The following SGCZ variants were observed in gnomAD, a reference collection of about 807,000 sequenced individuals.
The protein encoded by SGCZ is zeta-sarcoglycan.
A neutral mutation model predicts 41.3 loss-of-function variants in SGCZ; 40 were observed. The ratio of observed to expected loss-of-function variants is 0.97; its 90% CI spans 0.75 to 1.26. The LOEUF (loss-of-function observed/expected upper bound fraction) is 1.26. Ranked by LOEUF, SGCZ falls within the 50% of genes most tolerant of loss-of-function variation. The pLI is 0.00. For missense variants in SGCZ, 552 were observed against 369.8 expected (o/e 1.49, Z -4.04); for synonymous variants, 206 against 137.5 (o/e 1.50, Z -3.49).
At position 14,110,123 on chromosome 8, in the gene SGCZ, G is replaced by C. The variant is rs551438946; in HGVS notation, c.548-1888C>G. Among the ~76,000 whole-genome samples the C allele has an allele frequency of 4.6e-5, 7 of 152,188 alleles. 1 individual carries two copies. In the South Asian group the frequency reaches 1.0e-3, roughly 23 times the overall value. On this transcript the variant is annotated intron_variant, in intron 5 of 7. Coordinates refer to ENST00000382080, the MANE Select transcript of SGCZ (RefSeq NM_139167.4). Reference sequence around the variant, plus strand: ...CATTCCTCAAGGTGGGTCTTTAAAAGTAAAACAGTAGTTTGAGGTAACACT... The same window carrying C: ...CATTCCTCAAGGTGGGTCTTTAAAACTAAAACAGTAGTTTGAGGTAACACT...
At chr8:14,422,548 A>G (rs1432083442) in intron 2 of SGCZ, among the ~76,000 whole-genome samples, 2 of 152,202 alleles carry the variant, frequency 1.3e-5, no homozygotes, top group Admixed American at 6.5e-5. Context: ...TGGAAACTGT[A>G]AAGAAAACTC....
At chr8:14,163,206 G>C (rs75251009) in intron 5 of SGCZ, among the ~76,000 whole-genome samples, 19 of 152,078 alleles carry the variant, frequency 1.2e-4, no homozygotes, top group Non-Finnish European at 2.2e-4. Flanking sequence ...ACATGTGAAG[G>C]TTTGTTACAG....
intron 5 of SGCZ, among the ~76,000 whole-genome samples, chr8:14,149,245 C>T (rs1462062078): frequency 6.6e-6 from 1 of 152,044 alleles, no homozygotes; most frequent in East Asian, 1.9e-4. Context: ...GTCAAATTAT[C>T]CTTGTTTGCA....
At chr8:15,176,279 T>A (rs1321208970) in intron 1 of SGCZ, among the ~76,000 whole-genome samples, 4 of 152,184 alleles carry the variant, frequency 2.6e-5, no homozygotes, top group African/African-American at 9.6e-5. Context: ...AGTCATGGGT[T>A]ATCTGTTCCT....
chr8:14,519,061 T>A (rs1423983435), intron 2 of SGCZ, among the ~76,000 whole-genome samples: 2 of 140,450 alleles, frequency 1.4e-5, no homozygotes, highest in Middle Eastern at 3.3e-3. Flanking sequence ...ACAGTCAGAC[T>A]CTGTCTAAAA....
At chr8:14,162,072 C>G (rs1804064344) in intron 5 of SGCZ, among the ~76,000 whole-genome samples, 1 of 152,148 alleles carries the variant, frequency 6.6e-6, no homozygotes, top group Non-Finnish European at 1.5e-5. Flanking sequence ...GCTAAGGAAG[C>G]ACTTAGTCCA....
Position 15,179,392 on chromosome 8 carries a change from A to G in SGCZ, c.39+58193T>C, listed in dbSNP as rs148854461. Among the ~76,000 whole-genome samples the G allele has an allele frequency of 7.8e-3, 1,191 of 152,312 alleles. 20 individuals carry two copies. Among genetic ancestry groups the G allele is most frequent in the African/African-American group, 0.027 (1,112 of 41,582 alleles). On this transcript the variant is annotated intron_variant, in intron 1 of 7. Coordinates refer to ENST00000382080, the MANE Select transcript of SGCZ (RefSeq NM_139167.4). Reference sequence around the variant, plus strand: ...TACAGATTTTGTATTTTCTGGAATTATTTCACAGAACTTTACAGTTTTGAC... The same window carrying G: ...TACAGATTTTGTATTTTCTGGAATTGTTTCACAGAACTTTACAGTTTTGAC...
At chr8:15,080,495 C>A (rs528267042) in intron 1 of SGCZ, among the ~76,000 whole-genome samples, 235 of 152,236 alleles carry the variant, frequency 1.5e-3, no homozygotes, top group Non-Finnish European at 2.3e-3. Flanking sequence ...GTCTTAACCT[C>A]CAGTACCCCA....
intron 1 of SGCZ, among the ~76,000 whole-genome samples, chr8:15,133,149 T>TATAAATAAATAAATAA (rs139910762): frequency 0.02 from 3,077 of 151,264 alleles, 73 homozygotes; most frequent in African/African-American, 0.058. Context: ...TCTCAAAATA[T>TATAAATAAATAAATAA]ATAAATAAAT....
intron 1 of SGCZ, among the ~76,000 whole-genome samples, chr8:14,628,072 A>G (rs889174115): frequency 6.6e-6 from 1 of 152,124 alleles, no homozygotes; most frequent in Non-Finnish European, 1.5e-5. Context: ...CTTGCTGGTT[A>G]GAATAGTCCT....
At chr8:14,993,303 C>T (rs182994443) in intron 1 of SGCZ, among the ~76,000 whole-genome samples, 21 of 152,164 alleles carry the variant, frequency 1.4e-4, no homozygotes, top group Admixed American at 1.1e-3. Flanking sequence ...CTTATCTGCT[C>T]ATATATTCAA....
intron 1 of SGCZ, among the ~76,000 whole-genome samples, chr8:14,699,317 A>T (rs1809063163): frequency 2.6e-5 from 4 of 151,470 alleles, no homozygotes; most frequent in Non-Finnish European, 5.9e-5. Context: ...AAAGCCACAT[A>T]CCTACAACCA....
chr8:14,425,410 C>T (rs1009566170), intron 2 of SGCZ, among the ~76,000 whole-genome samples: 2 of 152,080 alleles, frequency 1.3e-5, no homozygotes, highest in Non-Finnish European at 1.5e-5. Flanking sequence ...CACCTGAGGT[C>T]AGGAGTTTGA....
intron 1 of SGCZ, among the ~76,000 whole-genome samples, chr8:15,111,413 A>G (rs1024014588): frequency 2.6e-5 from 4 of 152,106 alleles, no homozygotes; most frequent in African/African-American, 4.8e-5. Flanking sequence ...GCACCCATCC[A>G]CTCAGGCCTC....
chr8:14,286,398 T>G (rs1800630204), intron 3 of SGCZ, among the ~76,000 whole-genome samples: 1 of 152,138 alleles, frequency 6.6e-6, no homozygotes, highest in Non-Finnish European at 1.5e-5. Flanking sequence ...AGCGAATGCG[T>G]GCAGAGTATA....
chr8:15,169,139 T>TA (rs1340505485), intron 1 of SGCZ, among the ~76,000 whole-genome samples: 1 of 152,188 alleles, frequency 6.6e-6, no homozygotes, highest in Non-Finnish European at 1.5e-5. Flanking sequence ...AATAGGCCTC[T>TA]AAGGAAGCTC....
chr8:14,961,261 G>A (rs1196270481), intron 1 of SGCZ, among the ~76,000 whole-genome samples: 1 of 152,012 alleles, frequency 6.6e-6, no homozygotes, highest in Non-Finnish European at 1.5e-5. Context: ...CTAAATACCA[G>A]CCTAGACTCA....
intron 1 of SGCZ, among the ~76,000 whole-genome samples, chr8:15,174,016 C>T (rs764227287): frequency 5.9e-5 from 9 of 152,174 alleles, no homozygotes; most frequent in Non-Finnish European, 7.3e-5. Flanking sequence ...GCCACTGCAC[C>T]CGTTATACTT....
At chr8:14,961,398 G>A (rs1036452864) in intron 1 of SGCZ, among the ~76,000 whole-genome samples, 1 of 152,066 alleles carries the variant, frequency 6.6e-6, no homozygotes, top group South Asian at 2.1e-4. Context: ...AATAGAATGT[G>A]TATTACAGTA....
Sources: allele counts gnomAD v4.1 joint callset (sites outside exome capture counted in the v4.1 genomes callset), GRCh38; gene constraint gnomAD v4.1.1; transcripts MANE v1.5; gene names NCBI Gene and HGNC (gene_info 2026-07-23, HGNC 2026-07-21).